The following CENPP variants were observed in gnomAD, a reference collection of about 807,000 sequenced individuals.
The protein encoded by CENPP is centromere protein P.
Under a neutral mutation model 35.6 loss-of-function variants are expected in CENPP, and 24 were observed. That is an observed-to-expected ratio of 0.67 (90% CI 0.49 to 0.95). The LOEUF (loss-of-function observed/expected upper bound fraction) is 0.95, where lower values mean the gene tolerates loss of function less well. Among genes scored for constraint, CENPP ranks in the 40% least tolerant of loss-of-function variants. The pLI is 0.00. For missense variants in CENPP, 332 were observed against 345.3 expected (o/e 0.96, Z 0.31); for synonymous variants, 120 against 125.5 (o/e 0.96, Z 0.29).
intron 5 of CENPP, among the ~76,000 whole-genome samples, chr9:92,574,042 C>T (rs955823780): frequency 1.3e-5 from 2 of 152,168 alleles, no homozygotes; most frequent in Non-Finnish European, 2.9e-5. Flanking sequence ...ACCCCTTGCA[C>T]TTACCAGGTG....
chr9:92,454,709 G>A (rs866775718), intron 5 of CENPP, among the ~76,000 whole-genome samples: 3 of 151,886 alleles, frequency 2.0e-5, no homozygotes, highest in Admixed American at 6.6e-5. Flanking sequence ...ATTCTTCATA[G>A]CAACCTTGTT....
intron 5 of CENPP, among the ~76,000 whole-genome samples, chr9:92,582,678 T>C (rs1268191870): frequency 6.6e-6 from 1 of 151,574 alleles, no homozygotes; most frequent in East Asian, 1.9e-4. Context: ...ATTGTCACTA[T>C]GTAATGGAAT....
upstream of CENPP, chr9:92,325,796 G>T (rs1193045836): frequency 3.7e-6 from 2 of 540,894 alleles, no homozygotes; most frequent in East Asian, 3.4e-5. Context: ...CGTGTGCGGG[G>T]AAGTGGAGGA....
At chr9:92,384,152 T>TTAGTTATCAAAA (rs1320221731) in intron 5 of CENPP, 1 of 152,166 alleles carries the variant, frequency 6.6e-6, no homozygotes, top group Non-Finnish European at 1.5e-5. Context: ...GCTGTGATCA[T>TTAGTTATCAAAA]TAGTTATCAA....
chr9:92,399,089 T>C (rs898673776), intron 5 of CENPP, among the ~76,000 whole-genome samples: 20 of 152,050 alleles, frequency 1.3e-4, no homozygotes, highest in Admixed American at 3.9e-4. Context: ...TTGGTTCTTA[T>C]GTCAAAAAGT....
intron 5 of CENPP, among the ~76,000 whole-genome samples, chr9:92,583,628 GT>G (rs527365018): frequency 0.012 from 1,819 of 148,630 alleles, 44 homozygotes; most frequent in African/African-American, 0.041. Context: ...GAGGAGTGGG[GT>G]TTTTTTTTTC....
At chr9:92,514,968 A>G (rs764420685) in intron 5 of CENPP, 1 of 1,613,400 alleles carries the variant, frequency 6.2e-7, no homozygotes, top group South Asian at 1.1e-5. Context: ...CCTCACTGTA[A>G]AGTTGCCCCT....
intron 5 of CENPP, among the ~76,000 whole-genome samples, chr9:92,550,840 C>T (rs1259103179): frequency 6.6e-6 from 1 of 152,000 alleles, no homozygotes; most frequent in Non-Finnish European, 1.5e-5. Flanking sequence ...TCACTGACAC[C>T]AAAACATGGT....
chr9:92,382,248 G>A (rs1337742144), intron 5 of CENPP, among the ~76,000 whole-genome samples: 6 of 151,498 alleles, frequency 4.0e-5, no homozygotes, highest in East Asian at 1.9e-4. Flanking sequence ...ATTTTTAATC[G>A]ACTAATAGTA....
At chr9:92,469,380 A>G (rs181948035) in intron 5 of CENPP, among the ~76,000 whole-genome samples, 59 of 152,222 alleles carry the variant, frequency 3.9e-4, no homozygotes, top group African/African-American at 1.4e-3. Context: ...GCAAGGATTG[A>G]GCATCCCTCA....
chr9:92,460,600 A>G (rs1367946159), intron 5 of CENPP: 4 of 1,293,036 alleles, frequency 3.1e-6, no homozygotes, highest in Non-Finnish European at 3.3e-6. Flanking sequence ...TGTTAAGTCA[A>G]GTATCACTAA....
chr9:92,456,885 T>TAA, intron 5 of CENPP: 1 of 925,450 alleles, frequency 1.1e-6, no homozygotes. Context: ...CTTTGTTAAT[T>TAA]CTGTTTTTCT....
intron 5 of CENPP, among the ~76,000 whole-genome samples, chr9:92,465,993 C>G (rs570057198): frequency 6.6e-6 from 1 of 152,080 alleles, no homozygotes; most frequent in Non-Finnish European, 1.5e-5. Context: ...TCACCACACC[C>G]GGCTAATTTT....
At position 92,616,125 on chromosome 9, in the gene CENPP, C is replaced by G. The variant is rs1038110061; in HGVS notation, c.*2976C>G. Reference sequence around the variant, plus strand: ...TTCATTTCCCTCCCTCCCGTTCTCTCTCCCTTTCTTCTTTCAACTAGTATG... The same window carrying G: ...TTCATTTCCCTCCCTCCCGTTCTCTGTCCCTTTCTTCTTTCAACTAGTATG... On this transcript the variant is annotated 3_prime_UTR_variant, in exon 8 of 8. Coordinates refer to ENST00000375587, the MANE Select transcript of CENPP (RefSeq NM_001012267.3). The G allele has an allele frequency of 1.5e-5, 16 of 1,077,324 alleles. No individual in the cohort carries two copies. The highest frequency in any genetic ancestry group is 2.1e-5 in the Non-Finnish European group (15 of 729,898). 66.7% of individuals were successfully genotyped at this position (1,077,324 alleles called of 1,614,324 possible). A position where few individuals can be genotyped will look rare whatever the true frequency, so the allele number is the denominator to read the frequency against.
At chr9:92,500,829 A>G in intron 5 of CENPP, 1 of 1,614,224 alleles carries the variant, frequency 6.2e-7, no homozygotes, top group Non-Finnish European at 8.5e-7. Context: ...TAATTCTCTC[A>G]GAGAATGATA....
intron 4 of CENPP, among the ~76,000 whole-genome samples, chr9:92,358,273 C>T (rs1026971039): frequency 2.6e-5 from 4 of 151,244 alleles, no homozygotes; most frequent in African/African-American, 9.7e-5. Flanking sequence ...AATGGAGTTT[C>T]CCTCTGTCAC....
intron 5 of CENPP, among the ~76,000 whole-genome samples, chr9:92,590,621 C>A (rs1301165036): frequency 6.6e-6 from 1 of 152,160 alleles, no homozygotes; most frequent in African/African-American, 2.4e-5. Flanking sequence ...GGCCCTTATC[C>A]CTGTCCAGCC....
chr9:92,559,720 C>T (rs1047900661), intron 5 of CENPP, among the ~76,000 whole-genome samples: 1 of 152,116 alleles, frequency 6.6e-6, no homozygotes, highest in Non-Finnish European at 1.5e-5. Flanking sequence ...GGGCTGGTCT[C>T]GAACTCCTGG....
Position 92,594,890 on chromosome 9 carries a change from TTC to T in CENPP, c.565-16422_565-16421del, listed in dbSNP as rs1248232526. Among the ~76,000 whole-genome samples the T allele has an allele frequency of 1.2e-4, 16 of 137,846 alleles. No individual in the cohort carries two copies. The East Asian group carries it at 1.3e-3, about 12-fold the overall frequency. The allele number at this position is 137,846 out of a possible 152,430, so 90.4% of individuals were successfully genotyped here. On this transcript the variant is annotated intron_variant, in intron 5 of 7. Transcript: ENST00000375587. ...ATGTCCTGGATGTGAGAGGTTGCTC[TTC>T]TTTTTTTTTTTTTTTTTTTTTGAGA...
Sources: allele counts gnomAD v4.1 joint callset (sites outside exome capture counted in the v4.1 genomes callset), GRCh38; gene constraint gnomAD v4.1.1; transcripts MANE v1.5; gene names NCBI Gene and HGNC (gene_info 2026-07-23, HGNC 2026-07-21).